Variants in TANC1 observed in about 807,000 individuals in gnomAD.
TANC1 encodes tetratricopeptide repeat, ankyrin repeat and coiled-coil containing 1.
Under a neutral mutation model 149.7 loss-of-function variants are expected in TANC1, and 77 were observed. The observed-to-expected ratio is 0.51, with a 90% CI of 0.43 to 0.62. The LOEUF is 0.62. Among genes scored for constraint, TANC1 ranks in the 20% least tolerant of loss-of-function variants. TANC1 has a pLI of 0.00. For missense variants in TANC1, 1,985 were observed against 2,321.8 expected, an observed-to-expected ratio of 0.85 and a Z score of 2.98; for synonymous variants, 854 against 925.0, an observed-to-expected ratio of 0.92 and a Z score of 1.39.
At chr2:159,034,839 G>A (rs1378252603) in intron 2 of TANC1, among the ~76,000 whole-genome samples, 3 of 152,212 alleles carry the variant, frequency 2.0e-5, no homozygotes, top group Non-Finnish European at 4.4e-5. Flanking sequence ...CTGTGGTTGA[G>A]TGTGACTTGA....
intron 4 of TANC1, among the ~76,000 whole-genome samples, chr2:159,115,909 C>T (rs572445790): frequency 1.4e-3 from 209 of 152,184 alleles, no homozygotes; most frequent in African/African-American, 4.9e-3. Flanking sequence ...TGTTTCTGCC[C>T]TACCACAGGT....
chr2:159,042,366 A>G (rs1168050474), intron 2 of TANC1, among the ~76,000 whole-genome samples: 1 of 152,114 alleles, frequency 6.6e-6, no homozygotes, highest in East Asian at 1.9e-4. Flanking sequence ...GAACATGGAG[A>G]GCACCCTTGA....
rs560904687 is a variant in TANC1 at position 159,177,338 on chromosome 2, C to T, written c.1902+820C>T. On this transcript the variant is annotated intron_variant, in intron 13 of 26. Transcript: ENST00000263635. The stretch of plus-strand genomic sequence containing the variant: ...TCCTCCATCTTCTTCCTCACTTAAA[C>T]CCTGAAATTGTGTCTTAACCATTGA... Among the ~76,000 whole-genome samples, 92 of 152,132 alleles carry T rather than the reference C, an allele frequency of 6.0e-4. 2 individuals carry two copies. The South Asian group carries it at 0.011, about 18-fold the overall frequency.
intron 2 of TANC1, chr2:159,060,071 C>T (rs1432813207): frequency 1.9e-5 from 18 of 950,778 alleles, no homozygotes; most frequent in Non-Finnish European, 2.3e-5. Context: ...ATATGAAGAA[C>T]AGTTCTAAAG....
At chr2:158,992,332 T>A (rs1440720750) in intron 1 of TANC1, among the ~76,000 whole-genome samples, 2 of 150,410 alleles carry the variant, frequency 1.3e-5, no homozygotes, top group African/African-American at 2.5e-5. Flanking sequence ...ACCACTGCAC[T>A]CCATCCTGGG....
In TANC1 at chr2:159,136,049, T is replaced by TGC. The variant is rs35231270; in HGVS notation, c.260-133_260-132dup. Reference sequence around the variant, plus strand: ...GTGTGTGTGTGTGTGTGTGTGTGTGTGCGCGCGCGCGCGTTTAAGGGAGGG... The same window carrying TGC: ...GTGTGTGTGTGTGTGTGTGTGTGTGTGCGCGCGCGCGCGCGTTTAAGGGAGGG... On this transcript the variant is annotated intron_variant, in intron 4 of 26. Transcript: ENST00000263635. 29 of 91,596 alleles carry TGC rather than the reference T, an allele frequency of 3.2e-4. 3 individuals are homozygous for TGC. Among genetic ancestry groups the TGC allele is most frequent in the African/African-American group, 1.5e-3 (18 of 12,254 alleles). The allele number at this position is 91,596 out of a possible 1,614,324, so 5.7% of individuals were successfully genotyped here. A position where few individuals can be genotyped will look rare whatever the true frequency, so the allele number is the denominator to read the frequency against.
intron 17 of TANC1, 93 bp from the exon 18 acceptor site, chr2:159,196,515 G>A: frequency 9.4e-7 from 1 of 1,068,738 alleles, no homozygotes; most frequent in Non-Finnish European, 1.3e-6. Context: ...TACGCTTACA[G>A]GGAGTGGGGT....
intron 16 of TANC1, 32 bp from the exon 17 acceptor site, chr2:159,194,225 T>C: frequency 6.4e-7 from 1 of 1,564,438 alleles, no homozygotes; most frequent in Non-Finnish European, 8.8e-7. Context: ...GACATACATG[T>C]GACAATCTTG....
intron 2 of TANC1, among the ~76,000 whole-genome samples, chr2:159,042,597 G>A (rs756118379): frequency 2.6e-5 from 4 of 152,046 alleles, no homozygotes; most frequent in Non-Finnish European, 5.9e-5. Context: ...CAGGCAGAAC[G>A]AAGCCAGTGC....
intron 5 of TANC1, among the ~76,000 whole-genome samples, chr2:159,144,594 T>A (rs1008960171): frequency 1.3e-5 from 2 of 152,166 alleles, no homozygotes; most frequent in African/African-American, 2.4e-5. Context: ...GCCAGGCTGC[T>A]CTCGAACTCC....
intron 4 of TANC1, among the ~76,000 whole-genome samples, chr2:159,105,295 G>C (rs1044946536): frequency 1.3e-5 from 2 of 149,250 alleles, no homozygotes; most frequent in African/African-American, 2.4e-5. Flanking sequence ...CGCCCGGCCA[G>C]ATACTTACTT....
At chr2:159,063,034 G>GTACCGATT (rs1235477996) in intron 2 of TANC1, among the ~76,000 whole-genome samples, 1 of 148,680 alleles carries the variant, frequency 6.7e-6, no homozygotes, top group East Asian at 2.0e-4. Flanking sequence ...TAAAGCTGGA[G>GTACCGATT]TACCGATTTG....
intron 8 of TANC1, among the ~76,000 whole-genome samples, chr2:159,168,448 C>T (rs1424200704): frequency 6.6e-6 from 1 of 151,744 alleles, no homozygotes; most frequent in Admixed American, 6.6e-5. Flanking sequence ...TTCAGAGACC[C>T]GCCTCCATGC....
Position 159,001,299 on chromosome 2 carries a change from C to G in TANC1, c.-16+110C>G, listed in dbSNP as rs2036598704. The G allele has an allele frequency of 6.6e-6, 1 of 152,188 alleles. No individual in the cohort carries two copies. The highest frequency in any genetic ancestry group is 6.5e-5 in the Admixed American group (1 of 15,284). 9.4% of individuals were successfully genotyped at this position (152,188 alleles called of 1,614,324 possible). On this transcript the variant is annotated intron_variant, in intron 2 of 26. Coordinates refer to ENST00000263635, the MANE Select transcript of TANC1 (RefSeq NM_033394.3). The surrounding 1 kb of genome is among the most constrained non-coding windows in gnomAD (Gnocchi z 4.3). ...GAAGAGAGATGGCCTGTAGAACGTC[C>G]AGTCTTTCCACCTGCCCAGAGCCAC...
intron 7 of TANC1, among the ~76,000 whole-genome samples, chr2:159,152,796 A>G (rs2052994381): frequency 6.6e-6 from 1 of 152,178 alleles, no homozygotes; most frequent in Admixed American, 6.5e-5. Flanking sequence ...AACTTTTAAT[A>G]ACTGAGAGCC....
chr2:159,159,766 G>A (rs1293764281), intron 7 of TANC1, among the ~76,000 whole-genome samples: 1 of 143,072 alleles, frequency 7.0e-6, no homozygotes, highest in Non-Finnish European at 1.5e-5. Flanking sequence ...GAGAGATCAG[G>A]TTCTCTGGAG....
chr2:159,170,891 T>C (rs1191068054), intron 10 of TANC1, 86 bp downstream of exon 10: 2 of 1,459,358 alleles, frequency 1.4e-6, no homozygotes, highest in Non-Finnish European at 1.9e-6. Context: ...AAAATACCAA[T>C]TTTCCTCAAG....
intron 16 of TANC1, among the ~76,000 whole-genome samples, chr2:159,188,766 T>C (rs2057216066): frequency 1.3e-5 from 2 of 152,272 alleles, no homozygotes; most frequent in South Asian, 2.1e-4. Context: ...CTGGTCCTCA[T>C]GATCGTATTG....
chr2:159,121,601 AT>A (rs2048855447), intron 4 of TANC1, among the ~76,000 whole-genome samples: 1 of 152,232 alleles, frequency 6.6e-6, no homozygotes, highest in Non-Finnish European at 1.5e-5. Context: ...AAGTGCTAGG[AT>A]TGTGAGCCAC....
Sources: gnomAD v4.1 joint callset for allele counts (sites outside exome capture counted in the v4.1 genomes callset) on GRCh38, gnomAD v4.1.1 for gene constraint, Gnocchi (gnomAD v3.1) non-coding constraint, MANE v1.5 for transcripts, NCBI Gene and HGNC (gene_info 2026-07-23, HGNC 2026-07-21) for gene names.